EPHB1: variants seen among roughly 807,000 people sequenced by gnomAD.
The protein encoded by EPHB1 is ephrin type-B receptor 1.
In EPHB1, 30 loss-of-function variants were observed where a neutral mutation model predicts 94.4. That is an observed-to-expected ratio of 0.32 (90% CI 0.24 to 0.43). The LOEUF (loss-of-function observed/expected upper bound fraction) is 0.43, where lower values mean the gene tolerates loss of function less well. Ranked by LOEUF, EPHB1 falls within the 20% of genes least tolerant of loss-of-function variation. The probability of loss-of-function intolerance (pLI) is 1.00; values close to 1 mark genes in which losing one functional copy is unlikely to be tolerated. For synonymous variants in EPHB1, 522 were observed against 489.1 expected (o/e 1.07, Z -0.89); for missense variants, 1,055 against 1,308.3 (o/e 0.81, Z 2.99).
At chr3:135,214,550 A>G (rs1943099848) in intron 12 of EPHB1, among the ~76,000 whole-genome samples, 1 of 152,190 alleles carries the variant, frequency 6.6e-6, no homozygotes, top group African/African-American at 2.4e-5. Flanking sequence ...TGTGCGCTCC[A>G]GAGGTCTTTG....
chr3:134,892,576 G>A (rs1414182075), intron 1 of EPHB1, among the ~76,000 whole-genome samples: 1 of 152,262 alleles, frequency 6.6e-6, no homozygotes, highest in Non-Finnish European at 1.5e-5. Context: ...ACAAAGAGCA[G>A]TTGGTGTTTA....
chr3:135,110,722 T>G (rs940302136), intron 4 of EPHB1, among the ~76,000 whole-genome samples: 1 of 152,214 alleles, frequency 6.6e-6, no homozygotes, highest in African/African-American at 2.4e-5. Context: ...CACTCATGAA[T>G]CTACCTTGCT....
chr3:135,173,060 A>C lies in EPHB1; in HGVS notation c.1759+6054A>C, dbSNP rs1576444694. ...CTTTTTTTTTTTTTTTTTGAGACGG[A>C]GTCTCGCTCTGTCGCCCAGGCTGGA... On this transcript the variant is annotated intron_variant, in intron 9 of 15. Transcript: ENST00000398015. Among the ~76,000 whole-genome samples the C allele has an allele frequency of 4.4e-5, 6 of 137,920 alleles. No individual in the cohort carries two copies. The South Asian group carries it at 1.4e-3, about 32-fold the overall frequency. The allele number at this position is 137,920 out of a possible 152,430, so 90.5% of individuals were successfully genotyped here. A position where few individuals can be genotyped will look rare whatever the true frequency, so the allele number is the denominator to read the frequency against.
intron 1 of EPHB1, among the ~76,000 whole-genome samples, chr3:134,881,784 A>T (rs1016271779): frequency 6.6e-6 from 1 of 152,208 alleles, no homozygotes; most frequent in African/African-American, 2.4e-5. Context: ...TCTTATTTTT[A>T]ATCCCCAGAA....
intron 1 of EPHB1, among the ~76,000 whole-genome samples, chr3:134,901,955 C>G (rs2038212093): frequency 6.6e-6 from 1 of 152,212 alleles, no homozygotes. Flanking sequence ...AGGAGCAATA[C>G]TTGTTATTTG....
At chr3:135,163,850 G>A (rs1008853259) in intron 7 of EPHB1, among the ~76,000 whole-genome samples, 1 of 152,166 alleles carries the variant, frequency 6.6e-6, no homozygotes, top group African/African-American at 2.4e-5. Flanking sequence ...ACATGGGTAC[G>A]GATTATGTTC....
chr3:135,207,910 A>G (rs1303489319), intron 12 of EPHB1, among the ~76,000 whole-genome samples: 1 of 152,212 alleles, frequency 6.6e-6, no homozygotes, highest in Non-Finnish European at 1.5e-5. Flanking sequence ...AAAGCACATC[A>G]ATCCCATCTT....
intron 12 of EPHB1, among the ~76,000 whole-genome samples, chr3:135,207,870 G>T (rs531793699): frequency 1.8e-4 from 28 of 152,330 alleles, no homozygotes; most frequent in Admixed American, 1.7e-3. Flanking sequence ...CATGTGCACA[G>T]AAAGAGAGAT....
At chr3:135,237,334 T>G (rs1392852070) in intron 12 of EPHB1, among the ~76,000 whole-genome samples, 6 of 151,152 alleles carry the variant, frequency 4.0e-5, no homozygotes, top group Admixed American at 2.6e-4. Context: ...AATCTTAAAT[T>G]TATCGTATAT....
Position 134,955,071 on chromosome 3 carries a change from CTTTTTTTTTTTTTT to C in EPHB1, c.805+3038_805+3051del, listed in dbSNP as rs1197013147. The stretch of plus-strand genomic sequence containing the variant: ...CTAAGGCCTGTTCCTGACATCCTTT[CTTTTTTTTTTTTTT>C]TTTTTTTTTTTTTTTTTTAATTTTT... On this transcript the variant is annotated intron_variant, in intron 3 of 15. Transcript: ENST00000398015. 2.6e-3 allele frequency among the ~76,000 whole-genome samples: 22 copies of C among 8,418 alleles called. 3 individuals are homozygous for C. Among genetic ancestry groups the C allele is most frequent in the East Asian group, 0.02 (5 of 254 alleles). The allele number at this position is 8,418 out of a possible 152,430, so 5.5% of individuals were successfully genotyped here.
At chr3:135,243,147 A>G (rs868098911) in intron 13 of EPHB1, among the ~76,000 whole-genome samples, 52 of 152,246 alleles carry the variant, frequency 3.4e-4, no homozygotes, top group African/African-American at 1.2e-3. Context: ...CAAGACCTTA[A>G]TCTGACTAAG....
intron 5 of EPHB1, among the ~76,000 whole-genome samples, chr3:135,147,669 G>A (rs1354789768): frequency 6.6e-6 from 1 of 152,164 alleles, no homozygotes; most frequent in Non-Finnish European, 1.5e-5. Context: ...TTATTGTGTT[G>A]GGGAGGCAGA....
At chr3:135,243,753 T>C (rs1943850462) in intron 13 of EPHB1, among the ~76,000 whole-genome samples, 1 of 152,176 alleles carries the variant, frequency 6.6e-6, no homozygotes, top group Non-Finnish European at 1.5e-5. Context: ...TGCCGGTAAT[T>C]AGGCTTCCAG....
intron 1 of EPHB1, among the ~76,000 whole-genome samples, chr3:134,813,773 T>C (rs2108287091): frequency 1.3e-5 from 2 of 152,344 alleles, no homozygotes; most frequent in Middle Eastern, 6.8e-3. Flanking sequence ...CAGCCATGTT[T>C]GCTGTTATTT....
In EPHB1 at chr3:135,259,171, G is replaced by C; in HGVS notation, c.*51G>C. The C allele has an allele frequency of 1.4e-6, 2 of 1,413,600 alleles. No homozygotes were observed. The highest frequency in any genetic ancestry group is 2.0e-6 in the Non-Finnish European group (2 of 1,018,430). The allele number at this position is 1,413,600 out of a possible 1,614,324, so 87.6% of individuals were successfully genotyped here. On this transcript the variant is annotated 3_prime_UTR_variant, in exon 16 of 16. Transcript: ENST00000398015. ...AGGAGGGAAAAGGACCAGGGTCAAG[G>C]GGGACCAGAGGTTGACCACTGTGGA...
intron 1 of EPHB1, among the ~76,000 whole-genome samples, chr3:134,821,881 TG>T (rs1483452688): frequency 6.6e-6 from 1 of 151,952 alleles, no homozygotes; most frequent in African/African-American, 2.4e-5. Flanking sequence ...GGTCTAGTTG[TG>T]GGGGAAAAGA....
intron 3 of EPHB1, among the ~76,000 whole-genome samples, chr3:135,006,417 T>C (rs1352942514): frequency 2.6e-5 from 4 of 152,204 alleles, no homozygotes; most frequent in Non-Finnish European, 5.9e-5. Context: ...GATATAATAT[T>C]GTGAATGGAT....
At chr3:134,855,924 T>G (rs1032950434) in intron 1 of EPHB1, among the ~76,000 whole-genome samples, 1 of 152,114 alleles carries the variant, frequency 6.6e-6, no homozygotes, top group Non-Finnish European at 1.5e-5. Context: ...TTATGGATGA[T>G]CACATGGAGG....
chr3:135,185,966 T>G (rs1031776099), intron 10 of EPHB1, among the ~76,000 whole-genome samples: 21 of 152,226 alleles, frequency 1.4e-4, no homozygotes, highest in Non-Finnish European at 2.9e-5. Context: ...AATACCCTGG[T>G]CCTGTCTTCT....
Sources: allele counts gnomAD v4.1 joint callset (sites outside exome capture counted in the v4.1 genomes callset), GRCh38; gene constraint gnomAD v4.1.1; transcripts MANE v1.5; gene names NCBI Gene and HGNC (gene_info 2026-07-23, HGNC 2026-07-21).